The following CDH22 variants were observed in gnomAD, a reference collection of about 807,000 sequenced individuals.
The protein encoded by CDH22 is cadherin-22.
Under a neutral mutation model 58.4 loss-of-function variants are expected in CDH22, and 30 were observed. The ratio of observed to expected loss-of-function variants is 0.51; its 90% CI spans 0.38 to 0.70. The LOEUF (loss-of-function observed/expected upper bound fraction) is 0.70. Among genes scored for constraint, CDH22 ranks in the 30% least tolerant of loss-of-function variants. The pLI is 0.00. For synonymous variants in CDH22, 513 were observed against 558.2 expected, an observed-to-expected ratio of 0.92 and a Z score of 1.14; for missense variants, 1,014 against 1,233.9, an observed-to-expected ratio of 0.82 and a Z score of 2.67.
intron 3 of CDH22, among the ~76,000 whole-genome samples, chr20:46,228,112 C>A (rs1442207347): frequency 1.3e-5 from 2 of 152,214 alleles, no homozygotes; most frequent in Admixed American, 1.3e-4. Context: ...GCCATTCTAC[C>A]CACTCCAGCT....
At chr20:46,249,463 C>G (rs1211238862) in intron 2 of CDH22, among the ~76,000 whole-genome samples, 2 of 152,202 alleles carry the variant, frequency 1.3e-5, no homozygotes, top group Non-Finnish European at 2.9e-5. Flanking sequence ...TTCATTCATT[C>G]ATTCAGCCAC....
intron 3 of CDH22, 127 bp from the exon 4 acceptor site, chr20:46,227,754 CA>C (rs544980526): frequency 7.4e-6 from 10 of 1,346,908 alleles, no homozygotes; most frequent in Middle Eastern, 1.9e-4. Context: ...CCATCGAATA[CA>C]GCCCCTCACG....
Position 46,236,691 on chromosome 20 carries a change from A to C in CDH22, c.550+4272T>G, listed in dbSNP as rs191330902. Among the ~76,000 whole-genome samples, 27 of 129,392 alleles carry C rather than the reference A, an allele frequency of 2.1e-4. 1 individual carries two copies. In the East Asian group the frequency reaches 4.2e-3, roughly 20 times the overall value. 84.9% of individuals were successfully genotyped at this position (129,392 alleles called of 152,430 possible). A position where few individuals can be genotyped will look rare whatever the true frequency, so the allele number is the denominator to read the frequency against. On this transcript the variant is annotated intron_variant, in intron 3 of 11. Transcript: ENST00000537909. ...TATCTATCTATCTATCTATATATAC[A>C]TAGAGAGAGAGAGAGAGAGAAAGAG...
chr20:46,242,419 C>T (rs2086297828), intron 2 of CDH22, among the ~76,000 whole-genome samples: 1 of 152,230 alleles, frequency 6.6e-6, no homozygotes, highest in Non-Finnish European at 1.5e-5. Flanking sequence ...CATCACTTTG[C>T]CTCTCTGGCC....
intron 1 of CDH22, among the ~76,000 whole-genome samples, chr20:46,258,682 TCCCAGCTC>T (rs929284337): frequency 6.6e-6 from 1 of 152,172 alleles, no homozygotes; most frequent in Non-Finnish European, 1.5e-5. Flanking sequence ...GCCCCCTGCC[TCCCAGCTC>T]CCCAGCAGCC....
At chr20:46,192,819 G>A (rs2085870599) in intron 8 of CDH22, among the ~76,000 whole-genome samples, 1 of 152,086 alleles carries the variant, frequency 6.6e-6, no homozygotes, top group South Asian at 2.1e-4. Flanking sequence ...AGGCAGGACA[G>A]TGAGGCGCAC....
intron 1 of CDH22, among the ~76,000 whole-genome samples, chr20:46,276,649 A>T (rs2086518689): frequency 6.6e-6 from 1 of 152,226 alleles, no homozygotes; most frequent in Non-Finnish European, 1.5e-5. Context: ...ATGAGGCTCC[A>T]CAAACATAAG....
chr20:46,197,560 T>C (rs963040410), intron 8 of CDH22, among the ~76,000 whole-genome samples: 4 of 152,108 alleles, frequency 2.6e-5, no homozygotes, highest in Non-Finnish European at 5.9e-5. Context: ...GAGGCATCCC[T>C]GCCCAGCAGC....
At chr20:46,178,308 A>C (rs550101706) in intron 10 of CDH22, 111 bp from the exon 11 acceptor site, 740 of 1,236,024 alleles carry the variant, frequency 6.0e-4, no homozygotes, top group Non-Finnish European at 7.6e-4. Context: ...CCCAAACTAC[A>C]GCCTCCCAAT....
At chr20:46,224,229 T>A (rs1382361796) in intron 4 of CDH22, among the ~76,000 whole-genome samples, 1 of 152,250 alleles carries the variant, frequency 6.6e-6, no homozygotes, top group Non-Finnish European at 1.5e-5. Context: ...TTATGTTATA[T>A]GTGTACATGC....
At chr20:46,227,708 G>T in intron 3 of CDH22, 81 bp from the exon 4 acceptor site, 1 of 1,517,374 alleles carries the variant, frequency 6.6e-7, no homozygotes, top group South Asian at 1.3e-5. Context: ...CCCCAGGGAA[G>T]CTGGGAGAGG....
chr20:46,271,925 CATGCCTCCACTTAG>C (rs1402103540), intron 1 of CDH22, among the ~76,000 whole-genome samples: 1 of 152,232 alleles, frequency 6.6e-6, no homozygotes, highest in Admixed American at 6.5e-5. Flanking sequence ...GCTGCTCTCT[CATGCCTCCACTTAG>C]ATGCCTCCAA....
intron 6 of CDH22, among the ~76,000 whole-genome samples, chr20:46,211,665 G>C (rs1405532891): frequency 6.6e-6 from 1 of 152,208 alleles, no homozygotes. Context: ...GAGTCCCCGG[G>C]CTGAGTTTGA....
intron 1 of CDH22, among the ~76,000 whole-genome samples, chr20:46,278,067 GAGGAGGAGGAGGAGA>G (rs2145764348): frequency 6.6e-6 from 1 of 152,184 alleles, no homozygotes; most frequent in South Asian, 2.1e-4. Context: ...TGACAAGGAG[GAGGAGGAGGAGGAGA>G]AGGAGGAGGA....
intron 2 of CDH22, among the ~76,000 whole-genome samples, chr20:46,247,561 G>A (rs2086339597): frequency 6.6e-6 from 1 of 152,160 alleles, no homozygotes; most frequent in Admixed American, 6.5e-5. Context: ...TAAAGTATAT[G>A]GGAGGATGTG....
chr20:46,268,527 A>G (rs1365341146), intron 1 of CDH22, among the ~76,000 whole-genome samples: 1 of 152,020 alleles, frequency 6.6e-6, no homozygotes, highest in Non-Finnish European at 1.5e-5. Context: ...CACCCCACAC[A>G]CGGGTTCCCT....
In CDH22 at chr20:46,216,770, G is replaced by T; in HGVS notation, c.838+56C>A. ...GAAGCTGGGGTCAGCAGGTGGCTTG[G>T]ATGGGGTAACAGACAGACACACAGA... On this transcript the variant is annotated intron_variant, in intron 5 of 11. Coordinates refer to ENST00000537909, the MANE Select transcript of CDH22 (RefSeq NM_021248.3). This position sits in a 1 kb window ranked among gnomAD's most constrained non-coding sequence, Gnocchi z 5.3. The T allele has an allele frequency of 2.6e-6, 4 of 1,523,814 alleles. No homozygotes were observed. Among genetic ancestry groups the T allele is most frequent in the Non-Finnish European group, 3.6e-6 (4 of 1,109,352 alleles). 94.4% of individuals were successfully genotyped at this position (1,523,814 alleles called of 1,614,324 possible). A position where few individuals can be genotyped will look rare whatever the true frequency, so the allele number is the denominator to read the frequency against.
intron 7 of CDH22, among the ~76,000 whole-genome samples, chr20:46,202,778 G>A (rs1436122982): frequency 6.6e-6 from 1 of 152,194 alleles, no homozygotes; most frequent in Non-Finnish European, 1.5e-5. Context: ...GTCCAAAGGA[G>A]GTTGAAGGAG....
chr20:46,288,377 T>TCTCA, intron 1 of CDH22, among the ~76,000 whole-genome samples: 1 of 152,126 alleles, frequency 6.6e-6, no homozygotes, highest in Non-Finnish European at 1.5e-5. Flanking sequence ...TCCCTCCAAG[T>TCTCA]TTTCGAAGGC....
Sources: gnomAD v4.1 joint callset for allele counts (sites outside exome capture counted in the v4.1 genomes callset) on GRCh38, gnomAD v4.1.1 for gene constraint, Gnocchi (gnomAD v3.1) non-coding constraint, MANE v1.5 for transcripts, NCBI Gene and HGNC (gene_info 2026-07-23, HGNC 2026-07-21) for gene names.